The following PRKN variants were observed in gnomAD, a reference collection of about 807,000 sequenced individuals.
The protein encoded by PRKN is parkin RBR E3 ubiquitin protein ligase.
PRKN carries 56 observed loss-of-function variants against 59.5 expected under a neutral mutation model. That is an observed-to-expected ratio of 0.94 (90% CI 0.76 to 1.18). PRKN has a LOEUF of 1.18. Among genes scored for constraint, PRKN ranks in the 50% most tolerant of loss-of-function variants. The pLI is 0.00. For synonymous variants in PRKN, 250 were observed against 222.1 expected, an observed-to-expected ratio of 1.13 and a Z score of -1.12; for missense variants, 657 against 596.4, an observed-to-expected ratio of 1.10 and a Z score of -1.06.
At chr6:161,874,134 T>A (rs1178254198) in intron 6 of PRKN, among the ~76,000 whole-genome samples, 59 of 51,260 alleles carry the variant, frequency 1.2e-3, no homozygotes, top group Middle Eastern at 0.02. Context: ...TAATATATAT[T>A]ATATGTAAAA....
intron 9 of PRKN, among the ~76,000 whole-genome samples, chr6:161,420,925 C>T (rs1450513350): frequency 6.6e-6 from 1 of 152,144 alleles, no homozygotes; most frequent in Non-Finnish European, 1.5e-5. Flanking sequence ...TCATGTGCTA[C>T]AATATTTGTG....
chr6:162,433,477 G>A (rs1789630481), intron 2 of PRKN, among the ~76,000 whole-genome samples: 3 of 151,992 alleles, frequency 2.0e-5, no homozygotes, highest in Non-Finnish European at 1.5e-5. Flanking sequence ...ACATGTGTAG[G>A]ATGGCATCAT....
At chr6:162,552,431 G>T (rs923417468) in intron 1 of PRKN, among the ~76,000 whole-genome samples, 6 of 152,150 alleles carry the variant, frequency 3.9e-5, no homozygotes, top group Non-Finnish European at 8.8e-5. Flanking sequence ...TACTCTGGAG[G>T]TATATCAACC....
At chr6:162,036,252 A>C (rs1453621450) in intron 5 of PRKN, among the ~76,000 whole-genome samples, 3 of 151,696 alleles carry the variant, frequency 2.0e-5, no homozygotes, top group African/African-American at 7.2e-5. Flanking sequence ...TGAACCCGGG[A>C]GGCGGAGCTT....
intron 1 of PRKN, among the ~76,000 whole-genome samples, chr6:162,512,760 T>C (rs1237984809): frequency 3.3e-5 from 5 of 152,182 alleles, no homozygotes; most frequent in African/African-American, 1.2e-4. Flanking sequence ...AGCTACACTT[T>C]ATTAACAAAG....
At chr6:162,208,402 A>G (rs1011303459) in intron 3 of PRKN, among the ~76,000 whole-genome samples, 1 of 152,206 alleles carries the variant, frequency 6.6e-6, no homozygotes, top group Non-Finnish European at 1.5e-5. Context: ...AAAAGTTATA[A>G]CTTAATTCTC....
At chr6:162,136,324 T>C (rs1008243887) in intron 4 of PRKN, among the ~76,000 whole-genome samples, 1 of 152,136 alleles carries the variant, frequency 6.6e-6, no homozygotes, top group Non-Finnish European at 1.5e-5. Context: ...GCATTTCAGC[T>C]GTTTGAATAT....
chr6:162,290,278 TATAAG>T (rs1435185933), intron 2 of PRKN, among the ~76,000 whole-genome samples: 1 of 152,182 alleles, frequency 6.6e-6, no homozygotes, highest in Non-Finnish European at 1.5e-5. Flanking sequence ...TTTGCTTTAA[TATAAG>T]ATATCTGTTG....
chr6:161,720,004 G>A (rs189578089), intron 7 of PRKN, among the ~76,000 whole-genome samples: 15 of 152,208 alleles, frequency 9.9e-5, no homozygotes, highest in East Asian at 3.9e-4. Flanking sequence ...TTGCCTCCCC[G>A]TTTGCACTAT....
intron 1 of PRKN, among the ~76,000 whole-genome samples, chr6:162,574,584 T>C (rs1780482127): frequency 6.6e-6 from 1 of 152,196 alleles, no homozygotes; most frequent in Admixed American, 6.5e-5. Flanking sequence ...TCTTGGACAT[T>C]CCTGTAGTTT....
In PRKN at chr6:162,054,139, G is replaced by C; in HGVS notation, c.570C>G (p.Asn190Lys). 2.5e-6 allele frequency: 4 copies of C among 1,613,576 alleles called. No individual in the cohort carries two copies. The highest frequency in any genetic ancestry group is 3.4e-6 in the Non-Finnish European group (4 of 1,179,484). ...PSCWDDVLIPNRMSGECQSPH... is the reference protein window; with the variant it reads ...PSCWDDVLIPKRMSGECQSPH... ...GGGATTGGCATTCACCACTCATCCG[G>C]TTTGGAATTAAAACATCATCCCAGC... Residue 190 changes from asparagine (N) to lysine (K), a missense_variant, in exon 5 of 12, where the codon AAC becomes AAG. By Grantham distance (94) the Asn-to-Lys change is moderately conservative. Coordinates refer to ENST00000366898, the MANE Select transcript of PRKN (RefSeq NM_004562.3).
intron 1 of PRKN, among the ~76,000 whole-genome samples, chr6:162,605,391 T>C (rs2803056): frequency 0.37 from 56,880 of 151,924 alleles, 11,598 homozygotes; most frequent in Non-Finnish European, 0.46. Context: ...CAGAGTCCAA[T>C]AGCAGTGAAA....
intron 1 of PRKN, among the ~76,000 whole-genome samples, chr6:162,673,623 C>T (rs1213396906): frequency 1.3e-5 from 2 of 152,114 alleles, no homozygotes; most frequent in African/African-American, 2.4e-5. Flanking sequence ...TGAGTTCAAG[C>T]GATCCACCCA....
chr6:161,703,756 A>T (rs1288989025), intron 7 of PRKN, among the ~76,000 whole-genome samples: 1 of 150,392 alleles, frequency 6.6e-6, no homozygotes, highest in Non-Finnish European at 1.5e-5. Context: ...AGTCCTATTT[A>T]CATAATTTGT....
In PRKN at chr6:162,301,142, T is replaced by C. The variant is rs546869200; in HGVS notation, c.172-38377A>G. ...AAAGGCCACAGAAATGCAAAAACTT[T>C]TTTAAACCTTCCAATGACCAGGAAG... is the stretch of plus-strand genomic sequence containing the variant. On this transcript the variant is annotated intron_variant, in intron 2 of 11. Coordinates refer to ENST00000366898, the MANE Select transcript of PRKN (RefSeq NM_004562.3). Among the ~76,000 whole-genome samples the C allele has an allele frequency of 3.9e-5, 6 of 152,256 alleles. No homozygotes were observed. In the South Asian group the frequency reaches 1.2e-3, roughly 32 times the overall value.
chr6:162,460,321 G>A (rs966225257), intron 1 of PRKN, among the ~76,000 whole-genome samples: 1 of 152,182 alleles, frequency 6.6e-6, no homozygotes, highest in Non-Finnish European at 1.5e-5. Context: ...CAAATCTATA[G>A]ACACAGAGAG....
chr6:162,041,103 T>G (rs944000032), intron 5 of PRKN, among the ~76,000 whole-genome samples: 5 of 152,028 alleles, frequency 3.3e-5, no homozygotes, highest in Non-Finnish European at 4.4e-5. Context: ...GAGAATCACT[T>G]GAACCTAGGA....
At chr6:162,665,040 A>G (rs1218526265) in intron 1 of PRKN, among the ~76,000 whole-genome samples, 1 of 152,182 alleles carries the variant, frequency 6.6e-6, no homozygotes, top group Non-Finnish European at 1.5e-5. Context: ...TCTTAAAATA[A>G]TAAGAGCTAT....
chr6:162,241,205 T>C (rs1034694632), intron 3 of PRKN, among the ~76,000 whole-genome samples: 2 of 152,204 alleles, frequency 1.3e-5, no homozygotes, highest in African/African-American at 4.8e-5. Context: ...GTCTATCATG[T>C]AGGAAAATAT....
Sources: allele counts gnomAD v4.1 joint callset (sites outside exome capture counted in the v4.1 genomes callset), GRCh38; gene constraint gnomAD v4.1.1; transcripts MANE v1.5; gene names NCBI Gene and HGNC (gene_info 2026-07-23, HGNC 2026-07-21).